The following ZNF680 variants were observed in gnomAD, a reference collection of about 807,000 sequenced individuals.
ZNF680 encodes hypothetical protein FLJ90430.
ZNF680 carries 6 observed loss-of-function variants against 12.1 expected under a neutral mutation model. The observed-to-expected ratio is 0.49, with a 90% CI of 0.27 to 0.98. The LOEUF (loss-of-function observed/expected upper bound fraction) is 0.98. ZNF680 is among the 50% of genes least tolerant of loss of function. The pLI, the probability that ZNF680 is intolerant of heterozygous loss-of-function variation, is 0.12. For synonymous variants in ZNF680, 170 were observed against 199.3 expected (o/e 0.85, Z 1.24); for missense variants, 561 against 616.3 (o/e 0.91, Z 0.95).
In ZNF680 at chr7:64,538,627, T is replaced by C. The variant is rs117054351; in HGVS notation, c.253+5080A>G. On this transcript the variant is annotated intron_variant, in intron 3 of 3. Coordinates refer to ENST00000309683, the MANE Select transcript of ZNF680 (RefSeq NM_178558.5). ...TAGAAAACATCAAATCAGTTGATGA[T>C]GCAATGAAAATTTGCAACAAAAACA... 1.1e-3 allele frequency among the ~76,000 whole-genome samples: 173 copies of C among 152,310 alleles called. 1 individual carries two copies. Among genetic ancestry groups the C allele is most frequent in the Admixed American group, 2.8e-3 (43 of 15,300 alleles).
At chr7:64,500,457 T>C in the ZNF680 span, among the ~76,000 whole-genome samples, 1 of 151,944 alleles carries the variant, frequency 6.6e-6, no homozygotes, top group South Asian at 2.1e-4. Flanking sequence ...CTCAGCCCTA[T>C]GGGGAAAAAA....
Position 64,521,499 on chromosome 7 carries a change from A to G in ZNF680, c.1255T>C (p.Ser419Pro). The change falls in exon 4 of 4, where the codon TCC becomes CCC. Residue 419 changes from serine (S) to proline (P), a missense_variant. Coordinates refer to ENST00000309683, the MANE Select transcript of ZNF680 (RefSeq NM_178558.5). ...EECGKAFNGC[S>P]SLTRHKRIHT... ...ATTCTCTTATGTCGAGTAAGGCTGG[A>G]GCACCCATTAAAAGCTTTGCCACAT... The G allele has an allele frequency of 1.2e-6, 2 of 1,613,328 alleles. No homozygotes were observed. The highest frequency in any genetic ancestry group is 1.1e-5 in the South Asian group (1 of 91,062).
chr7:64,541,130 T>C (rs972929035), intron 3 of ZNF680, among the ~76,000 whole-genome samples: 38 of 151,668 alleles, frequency 2.5e-4, no homozygotes, highest in African/African-American at 9.2e-4. Context: ...AACAAATATT[T>C]AGAAATTAGT....
intron 3 of ZNF680, chr7:64,524,672 A>G (rs1437366737): frequency 6.6e-6 from 1 of 152,192 alleles, no homozygotes; most frequent in Non-Finnish European, 1.5e-5. Flanking sequence ...GGGAGTATAA[A>G]ACAATTATTA....
chr7:64,522,519 A>G lies in ZNF680; in HGVS notation c.254-19T>C, dbSNP rs768435178. 2 of 1,410,488 alleles carry G rather than the reference A, an allele frequency of 1.4e-6. No individual in the cohort carries two copies. The highest frequency in any genetic ancestry group is 2.9e-5 in the African/African-American group (2 of 69,516). 87.4% of individuals were successfully genotyped at this position (1,410,488 alleles called of 1,614,324 possible). A position where few individuals can be genotyped will look rare whatever the true frequency, so the allele number is the denominator to read the frequency against. ...TATATAACTGAAAGACATAAAAGTA[A>G]CAAATTACACCACTTCCTAGACTCA... On this transcript the variant is annotated intron_variant, in intron 3 of 3. Coordinates refer to ENST00000309683, the MANE Select transcript of ZNF680 (RefSeq NM_178558.5).
the ZNF680 span, among the ~76,000 whole-genome samples, chr7:64,500,001 G>C: frequency 6.6e-6 from 1 of 152,188 alleles, no homozygotes; most frequent in Non-Finnish European, 1.5e-5. Context: ...ACAACGAAGA[G>C]ACACAGAAGC....
intron 3 of ZNF680, among the ~76,000 whole-genome samples, chr7:64,523,963 A>G (rs1791691870): frequency 6.6e-6 from 1 of 152,144 alleles, no homozygotes; most frequent in Non-Finnish European, 1.5e-5. Flanking sequence ...CCTTTTTACA[A>G]GGGCCAGGAT....
intron 3 of ZNF680, chr7:64,525,996 T>C: frequency 1.0e-6 from 1 of 985,058 alleles, no homozygotes; most frequent in East Asian, 1.1e-4. Flanking sequence ...TCTTAAATTT[T>C]ACAGAGTTAA....
At chr7:64,538,268 A>AAT (rs1203762275) in intron 3 of ZNF680, among the ~76,000 whole-genome samples, 2 of 131,012 alleles carry the variant, frequency 1.5e-5, no homozygotes, top group East Asian at 2.2e-4. Context: ...GAACAGAATA[A>AAT]CTGAACTACA....
intron 3 of ZNF680, among the ~76,000 whole-genome samples, chr7:64,528,030 A>AC (rs1791962568): frequency 6.6e-6 from 1 of 152,064 alleles, no homozygotes; most frequent in Admixed American, 6.6e-5. Flanking sequence ...CTGAACATGC[A>AC]CCCCCACTGG....
intron 3 of ZNF680, among the ~76,000 whole-genome samples, chr7:64,527,722 C>G (rs1472925831): frequency 6.6e-6 from 1 of 151,952 alleles, no homozygotes; most frequent in Non-Finnish European, 1.5e-5. Context: ...GATCCCAGGA[C>G]TTTGAGAAGC....
intron 3 of ZNF680, among the ~76,000 whole-genome samples, chr7:64,537,006 G>A (rs1404248406): frequency 6.6e-6 from 1 of 152,172 alleles, no homozygotes. Flanking sequence ...GGAGGCTGAG[G>A]CTGCAGTGAG....
Position 64,559,425 on chromosome 7 carries a change from C to A in ZNF680, c.30+3500G>T, listed in dbSNP as rs1333174109. Among the ~76,000 whole-genome samples the A allele has an allele frequency of 3.3e-5, 5 of 151,832 alleles. No individual in the cohort carries two copies. In the East Asian group the frequency reaches 7.7e-4, roughly 23 times the overall value. On this transcript the variant is annotated intron_variant, in intron 1 of 3. Coordinates refer to ENST00000309683, the MANE Select transcript of ZNF680 (RefSeq NM_178558.5). ...GCCGGGCCAGAGTGACTCAGCAAGT[C>A]TGGAGCACAGGCGTATAAATCCACT...
chr7:64,556,791 GCAAAACTTGATAAATGGGACCTAAAGAAA>G (rs1787437076), intron 1 of ZNF680, among the ~76,000 whole-genome samples: 2 of 152,118 alleles, frequency 1.3e-5, no homozygotes, highest in Non-Finnish European at 1.5e-5. Context: ...TGCAACAAAA[GCAAAACTTGATAAATGGGACCTAAAGAAA>G]CTAAAGAGCT....
downstream of ZNF680, among the ~76,000 whole-genome samples, chr7:64,518,927 G>C (rs546089643): frequency 6.6e-6 from 1 of 152,130 alleles, no homozygotes; most frequent in Admixed American, 6.5e-5. Context: ...CTAGACATTT[G>C]CTTAGGCAAA....
intron 3 of ZNF680, 134 bp from the exon 4 acceptor site, chr7:64,522,634 T>TA (rs34852861): frequency 0.029 from 14,904 of 512,522 alleles, no homozygotes; most frequent in Middle Eastern, 0.04. Context: ...TCCTAAAAGT[T>TA]AAAAAAAAAA....
At position 64,521,998 on chromosome 7, in the gene ZNF680, G is replaced by T. The variant is rs942388263; in HGVS notation, c.756C>A (p.Thr252=). Residue 252 remains threonine, a synonymous_variant, in exon 4 of 4, where the codon ACC becomes ACA. Coordinates refer to ENST00000309683, the MANE Select transcript of ZNF680 (RefSeq NM_178558.5). ...TATGAATTTTCTTATGTTTAATAAG[G>T]GTTGAGGATTGGTTAAAGGCTTTGC... is the stretch of plus-strand genomic sequence containing the variant. ...ECGKAFNQSS[T]LIKHKKIHIE... The T allele has an allele frequency of 3.1e-6, 5 of 1,612,482 alleles. No individual in the cohort carries two copies. In the African/African-American group the frequency reaches 4.0e-5, roughly 13 times the overall value.
the ZNF680 span, among the ~76,000 whole-genome samples, chr7:64,503,323 T>G: frequency 6.6e-6 from 1 of 151,862 alleles, no homozygotes; most frequent in African/African-American, 2.4e-5. Context: ...AATCAAGAAT[T>G]CTTATGCTAC....
rs1786351006 is a variant in ZNF680, at chr7:64,539,228, T to G, written c.253+4479A>C. Among the ~76,000 whole-genome samples, 2 of 150,414 alleles carry G rather than the reference T, an allele frequency of 1.3e-5. 1 individual carries two copies. Among genetic ancestry groups the G allele is most frequent in the South Asian group, 4.2e-4 (2 of 4,792 alleles). On this transcript the variant is annotated intron_variant, in intron 3 of 3. Transcript: ENST00000309683. ...AACATATGTATACAATGGAATATTA[T>G]TCAGCCTTAAAAAAAAATCTTGGGA... is the stretch of plus-strand genomic sequence containing the variant.
Sources: allele counts gnomAD v4.1 joint callset (sites outside exome capture counted in the v4.1 genomes callset), GRCh38; gene constraint gnomAD v4.1.1; transcripts MANE v1.5; gene names NCBI Gene and HGNC (gene_info 2026-07-23, HGNC 2026-07-21).